The following MTUS2 variants were observed in gnomAD, a reference collection of about 807,000 sequenced individuals.
The protein encoded by MTUS2 is microtubule associated scaffold protein 2, also known as microtubule-associated tumor suppressor candidate 2.
A neutral mutation model predicts 114.1 loss-of-function variants in MTUS2; 40 were observed. The ratio of observed to expected loss-of-function variants is 0.35; its 90% CI spans 0.27 to 0.46. MTUS2 has a LOEUF of 0.46. Among genes scored for constraint, MTUS2 ranks in the 20% least tolerant of loss-of-function variants. MTUS2 has a pLI of 1.00. For synonymous variants in MTUS2, 688 were observed against 672.0 expected, an observed-to-expected ratio of 1.02 and a Z score of -0.37; for missense variants, 1,679 against 1,705.4, an observed-to-expected ratio of 0.98 and a Z score of 0.27.
intron 2 of MTUS2, among the ~76,000 whole-genome samples, chr13:28,916,061 TC>T (rs1004878024): frequency 1.3e-5 from 2 of 151,962 alleles, no homozygotes; most frequent in Admixed American, 1.3e-4. Flanking sequence ...AAAACTTTTT[TC>T]CCCCATTGTA....
intron 6 of MTUS2, among the ~76,000 whole-genome samples, chr13:29,291,762 G>A (rs1346367605): frequency 2.6e-5 from 4 of 152,164 alleles, no homozygotes; most frequent in Non-Finnish European, 5.9e-5. Context: ...GCTCAGATAG[G>A]AGGCCACACA....
intron 2 of MTUS2, among the ~76,000 whole-genome samples, chr13:28,992,680 CT>C (rs1187913416): frequency 5.3e-5 from 8 of 152,310 alleles, no homozygotes; most frequent in Non-Finnish European, 8.8e-5. Context: ...GCATGCTCCC[CT>C]GGGCCCTTGG....
intron 2 of MTUS2, among the ~76,000 whole-genome samples, chr13:28,916,142 T>A (rs902025031): frequency 6.6e-6 from 1 of 151,998 alleles, no homozygotes. Flanking sequence ...CTCTATTCTA[T>A]TCCATTGGTC....
At chr13:29,439,868 C>T in intron 8 of MTUS2, 115 bp from the exon 9 acceptor site, 1 of 836,450 alleles carries the variant, frequency 1.2e-6, no homozygotes, top group South Asian at 1.5e-5. Flanking sequence ...AAAATTATCT[C>T]CTTAAGGACT....
intron 4 of MTUS2, among the ~76,000 whole-genome samples, chr13:29,052,883 C>G (rs1430688944): frequency 6.6e-6 from 1 of 152,058 alleles, no homozygotes; most frequent in Non-Finnish European, 1.5e-5. Flanking sequence ...GGGTGGTTTT[C>G]TTATCCTGTT....
intron 2 of MTUS2, among the ~76,000 whole-genome samples, chr13:28,885,287 G>A (rs1043780672): frequency 1.4e-4 from 22 of 152,292 alleles, no homozygotes; most frequent in East Asian, 5.8e-4. Context: ...TTGGCAACTC[G>A]ATACCAAGAG....
chr13:29,290,766 T>G (rs1279216932), intron 6 of MTUS2, among the ~76,000 whole-genome samples: 3 of 152,172 alleles, frequency 2.0e-5, no homozygotes, highest in African/African-American at 7.2e-5. Flanking sequence ...GTAGCTCTGC[T>G]CACGAGTTTA....
intron 5 of MTUS2, among the ~76,000 whole-genome samples, chr13:29,182,262 A>G (rs1207018451): frequency 6.6e-6 from 1 of 152,206 alleles, no homozygotes; most frequent in African/African-American, 2.4e-5. Flanking sequence ...CTAACTTCAA[A>G]GTTTAGCCAA....
chr13:29,362,049 T>C (rs1233775608), intron 8 of MTUS2, among the ~76,000 whole-genome samples: 1 of 152,212 alleles, frequency 6.6e-6, no homozygotes, highest in Non-Finnish European at 1.5e-5. Context: ...TTGTTCTCTT[T>C]CCCCCTGGCT....
chr13:29,364,031 C>T (rs969589569), intron 8 of MTUS2, among the ~76,000 whole-genome samples: 2 of 152,164 alleles, frequency 1.3e-5, no homozygotes, highest in Non-Finnish European at 2.9e-5. Flanking sequence ...CCAGGCCACA[C>T]CCAACACTCA....
intron 5 of MTUS2, among the ~76,000 whole-genome samples, chr13:29,203,677 T>A (rs1370383182): frequency 3.3e-5 from 5 of 151,846 alleles, no homozygotes; most frequent in African/African-American, 9.7e-5. Flanking sequence ...AATCTCCTGG[T>A]CTGTGGGTTG....
chr13:29,490,846 C>T (rs1274626481), intron 11 of MTUS2, among the ~76,000 whole-genome samples: 1 of 152,250 alleles, frequency 6.6e-6, no homozygotes, highest in Non-Finnish European at 1.5e-5. Context: ...AAGAGTGATC[C>T]TGGGAGGGGA....
chr13:29,165,090 G>A (rs1364609559), intron 5 of MTUS2, among the ~76,000 whole-genome samples: 1 of 152,020 alleles, frequency 6.6e-6, no homozygotes, highest in East Asian at 1.9e-4. Context: ...TGGAACTGTG[G>A]GCTCTTCCTC....
intron 8 of MTUS2, among the ~76,000 whole-genome samples, chr13:29,390,833 A>T (rs1424904874): frequency 6.6e-6 from 1 of 151,704 alleles, no homozygotes; most frequent in African/African-American, 2.4e-5. Context: ...CCCAGGCTGG[A>T]GTGCAGTGGC....
At chr13:29,252,371 A>G (rs1168841296) in intron 5 of MTUS2, among the ~76,000 whole-genome samples, 1 of 152,170 alleles carries the variant, frequency 6.6e-6, no homozygotes, top group African/African-American at 2.4e-5. Context: ...AAATGATAAT[A>G]AGATGTACCC....
At chr13:29,375,058 C>T (rs150923739) in intron 8 of MTUS2, among the ~76,000 whole-genome samples, 209 of 152,246 alleles carry the variant, frequency 1.4e-3, no homozygotes, top group African/African-American at 4.7e-3. Flanking sequence ...AACCTAAATG[C>T]TTATCACCTG....
At position 29,328,834 on chromosome 13, in the gene MTUS2, A is replaced by G. The variant is rs532841079; in HGVS notation, c.2905+4123A>G. On this transcript the variant is annotated intron_variant, in intron 7 of 15. Transcript: ENST00000612955. ...AGCCGTTTCAAAACACGTTAAAGAAATATACTGTGGGATAAAATCTTTTTT... is the reference window on the plus strand; with the variant it reads ...AGCCGTTTCAAAACACGTTAAAGAAGTATACTGTGGGATAAAATCTTTTTT... Among the ~76,000 whole-genome samples, 20 of 152,348 alleles carry G rather than the reference A, an allele frequency of 1.3e-4. No individual in the cohort carries two copies. In the South Asian group the frequency reaches 4.1e-3, roughly 32 times the overall value.
chr13:29,353,435 G>A (rs1869467351), intron 7 of MTUS2, among the ~76,000 whole-genome samples: 1 of 152,044 alleles, frequency 6.6e-6, no homozygotes, highest in African/African-American at 2.4e-5. Context: ...CAAAGTGCTG[G>A]GATTACAGAC....
intron 2 of MTUS2, among the ~76,000 whole-genome samples, chr13:28,981,856 G>A (rs796118798): frequency 5.9e-5 from 9 of 152,250 alleles, no homozygotes; most frequent in African/African-American, 1.9e-4. Context: ...GGATGAGTGC[G>A]GCCCACCATT....
Sources: gnomAD v4.1 joint callset for allele counts (sites outside exome capture counted in the v4.1 genomes callset) on GRCh38, gnomAD v4.1.1 for gene constraint, MANE v1.5 for transcripts, NCBI Gene and HGNC (gene_info 2026-07-23, HGNC 2026-07-21) for gene names.